Variants in FOCAD observed in about 807,000 individuals in gnomAD.
The protein encoded by FOCAD is focadhesin.
In FOCAD, 198 loss-of-function variants were observed where a neutral mutation model predicts 225.6. The observed-to-expected ratio is 0.88, with a 90% CI of 0.78 to 0.99. The LOEUF is 0.99. Among genes scored for constraint, FOCAD ranks in the 50% least tolerant of loss-of-function variants. The pLI is 0.00. For synonymous variants in FOCAD, 897 were observed against 755.0 expected (o/e 1.19, Z -3.08); for missense variants, 2,713 against 2,123.6 (o/e 1.28, Z -5.46).
At chr9:20,729,809 T>C (rs571743811) in intron 4 of FOCAD, among the ~76,000 whole-genome samples, 1 of 152,244 alleles carries the variant, frequency 6.6e-6, no homozygotes, top group African/African-American at 2.4e-5. Context: ...TGACTAATAC[T>C]AGATCTATGT....
At chr9:20,973,665 A>T (rs7852009) in intron 35 of FOCAD, among the ~76,000 whole-genome samples, 34 of 120,896 alleles carry the variant, frequency 2.8e-4, no homozygotes, top group South Asian at 5.3e-4. Context: ...TATGCTTCTC[A>T]TTTCTGCTGC....
intron 10 of FOCAD, among the ~76,000 whole-genome samples, chr9:20,786,345 C>T (rs968198133): frequency 1.3e-5 from 2 of 152,140 alleles, no homozygotes; most frequent in African/African-American, 4.8e-5. Flanking sequence ...CTTCTATCAT[C>T]ATCTTCTGAA....
chr9:20,737,326 A>G (rs996292695), intron 4 of FOCAD, among the ~76,000 whole-genome samples: 1 of 152,216 alleles, frequency 6.6e-6, no homozygotes, highest in African/African-American at 2.4e-5. Context: ...GTTATCTGTT[A>G]TCTCTAGAAC....
At chr9:20,947,567 G>A (rs1837298000) in intron 30 of FOCAD, among the ~76,000 whole-genome samples, 1 of 152,098 alleles carries the variant, frequency 6.6e-6, no homozygotes, top group Non-Finnish European at 1.5e-5. Context: ...TCTGGAGATG[G>A]ATGGTGGTAT....
chr9:20,799,806 G>T (rs1821584072), intron 11 of FOCAD, among the ~76,000 whole-genome samples: 1 of 152,198 alleles, frequency 6.6e-6, no homozygotes, highest in Middle Eastern at 3.4e-3. Flanking sequence ...TATCCAATTT[G>T]CCACTCTGTG....
intron 17 of FOCAD, 40 bp from the exon 18 acceptor site, chr9:20,866,887 GCT>G: frequency 4.4e-6 from 2 of 451,112 alleles, no homozygotes; most frequent in South Asian, 3.3e-5. Flanking sequence ...TTGTTTGCTT[GCT>G]TTTTTTTTTT....
chr9:20,664,496 GAGTTTATA>G (rs1821834749), intron 2 of FOCAD, among the ~76,000 whole-genome samples: 1 of 151,720 alleles, frequency 6.6e-6, no homozygotes. Flanking sequence ...TCTTTCTGAA[GAGTTTATA>G]AGTTTATAAT....
chr9:20,809,330 TA>T (rs1482313535), intron 11 of FOCAD, among the ~76,000 whole-genome samples: 1 of 152,184 alleles, frequency 6.6e-6, no homozygotes, highest in Admixed American at 6.5e-5. Flanking sequence ...TGGTAACCAC[TA>T]GTCACATGTA....
At chr9:20,822,032 A>G (rs911512990) in intron 14 of FOCAD, among the ~76,000 whole-genome samples, 1 of 145,302 alleles carries the variant, frequency 6.9e-6, no homozygotes, top group Non-Finnish European at 1.5e-5. Context: ...AAGGAGTTAC[A>G]TGTGTGTAAC....
At position 20,930,044 on chromosome 9, in the gene FOCAD, T is replaced by C. The variant is rs1474686861; in HGVS notation, c.3317+448T>C. Among the ~76,000 whole-genome samples, 7 of 152,336 alleles carry C rather than the reference T, an allele frequency of 4.6e-5. No homozygotes were observed. In the East Asian group the frequency reaches 1.3e-3, roughly 29 times the overall value. On this transcript the variant is annotated intron_variant, in intron 27 of 43. Transcript: ENST00000338382. The stretch of plus-strand genomic sequence containing the variant: ...TAAGGGGTGTTGGGAATCACTGAAT[T>C]ACCTGAGAACTACATGTACCCGGCT...
chr9:20,979,263 G>A (rs1019567699), intron 37 of FOCAD, among the ~76,000 whole-genome samples: 1 of 152,148 alleles, frequency 6.6e-6, no homozygotes, highest in Non-Finnish European at 1.5e-5. Context: ...GGCTTTAATT[G>A]TTTGAGAATA....
chr9:20,656,039 G>T, upstream of FOCAD, among the ~76,000 whole-genome samples: 1 of 151,642 alleles, frequency 6.6e-6, no homozygotes, highest in Admixed American at 6.6e-5. Context: ...TATGTACCCA[G>T]TAGTCATTCA....
intron 5 of FOCAD, 32 bp downstream of exon 5, chr9:20,740,372 A>G: frequency 8.3e-7 from 1 of 1,203,938 alleles, no homozygotes; most frequent in Non-Finnish European, 1.2e-6. Flanking sequence ...TTTTTAAACA[A>G]ATATGAATTT....
At position 20,923,640 on chromosome 9, in the gene FOCAD, A is replaced by AT; in HGVS notation, c.2853-13dup. 2 of 1,603,602 alleles carry AT rather than the reference A, an allele frequency of 1.2e-6. No individual in the cohort carries two copies. Among genetic ancestry groups the AT allele is most frequent in the Non-Finnish European group, 1.7e-6 (2 of 1,171,492 alleles). On this transcript the variant is annotated intron_variant, in intron 24 of 43. Transcript: ENST00000338382. Reference sequence around the variant, plus strand: ...GTTAATACCAAAGTTCTCTGTTGAAATTTTTTTCCTTTTGAACAGGGAGAG... The same window carrying AT: ...GTTAATACCAAAGTTCTCTGTTGAAATTTTTTTTCCTTTTGAACAGGGAGAG...
At chr9:20,976,325 C>T (rs1840225921) in intron 35 of FOCAD, 95 bp from the exon 36 acceptor site, 1 of 1,207,882 alleles carries the variant, frequency 8.3e-7, no homozygotes, top group South Asian at 1.4e-5. Context: ...ATATCAGATC[C>T]TTTGATGCTA....
At chr9:20,799,823 A>G (rs1431470096) in intron 11 of FOCAD, among the ~76,000 whole-genome samples, 2 of 152,116 alleles carry the variant, frequency 1.3e-5, no homozygotes, top group Non-Finnish European at 2.9e-5. Context: ...TGTGTCTTTT[A>G]ATTGGAGCAT....
intron 8 of FOCAD, among the ~76,000 whole-genome samples, chr9:20,772,842 A>T (rs1209894137): frequency 5.3e-5 from 8 of 151,708 alleles, no homozygotes; most frequent in African/African-American, 1.9e-4. Context: ...ATATACTGGG[A>T]CTCTAAATAA....
rs148205264 is a variant in FOCAD at position 20,739,201 on chromosome 9, T to C, written c.288-1035T>C. 6.1e-3 allele frequency among the ~76,000 whole-genome samples: 922 copies of C among 152,324 alleles called. 10 individuals are homozygous for C. The highest frequency in any genetic ancestry group is 0.021 in the African/African-American group (878 of 41,572). On this transcript the variant is annotated intron_variant, in intron 4 of 43. Transcript: ENST00000338382. The stretch of plus-strand genomic sequence containing the variant: ...TTCTAACCCAAAAATAAAGTTAACA[T>C]TGATTTCTAATCAACTATGTTCTGA...
chr9:20,762,705 T>C (rs895497469), intron 6 of FOCAD, among the ~76,000 whole-genome samples: 1 of 152,194 alleles, frequency 6.6e-6, no homozygotes, highest in Admixed American at 6.5e-5. Flanking sequence ...CAGGGGTGTA[T>C]GTGCAGATCT....
Sources: gnomAD v4.1 joint callset for allele counts (sites outside exome capture counted in the v4.1 genomes callset) on GRCh38, gnomAD v4.1.1 for gene constraint, MANE v1.5 for transcripts, NCBI Gene and HGNC (gene_info 2026-07-23, HGNC 2026-07-21) for gene names.